The following CSMD1 variants were observed in gnomAD, a reference collection of about 807,000 sequenced individuals.
CSMD1 encodes CUB and Sushi multiple domains 1.
In CSMD1, 213 loss-of-function variants were observed where a neutral mutation model predicts 417.5. That is an observed-to-expected ratio of 0.51 (90% CI 0.46 to 0.57). The LOEUF (loss-of-function observed/expected upper bound fraction) is 0.57, where lower values mean the gene tolerates loss of function less well. Ranked by LOEUF, CSMD1 falls within the 20% of genes least tolerant of loss-of-function variation. The pLI is 0.00. For missense variants in CSMD1, 6,923 were observed against 4,529.7 expected (o/e 1.53, Z -15.17); for synonymous variants, 2,862 against 1,736.8 (o/e 1.65, Z -16.11).
At chr8:4,286,198 C>T (rs576210858) in intron 3 of CSMD1, among the ~76,000 whole-genome samples, 3 of 152,206 alleles carry the variant, frequency 2.0e-5, no homozygotes, top group South Asian at 2.1e-4. Context: ...TCTTTTCTCC[C>T]GACTGCAAAC....
At chr8:3,377,706 C>T (rs1172296835) in intron 18 of CSMD1, among the ~76,000 whole-genome samples, 2 of 152,128 alleles carry the variant, frequency 1.3e-5, no homozygotes, top group African/African-American at 4.8e-5. Flanking sequence ...TCCTGGGATG[C>T]CTGTTCACAT....
intron 1 of CSMD1, among the ~76,000 whole-genome samples, chr8:4,847,764 C>G (rs993584033): frequency 6.7e-6 from 1 of 149,226 alleles, no homozygotes; most frequent in Non-Finnish European, 1.5e-5. Context: ...CTATAGAATT[C>G]CTCTCTATCG....
intron 3 of CSMD1, among the ~76,000 whole-genome samples, chr8:4,348,798 C>T (rs1438314082): frequency 1.3e-5 from 2 of 152,130 alleles, no homozygotes; most frequent in Non-Finnish European, 2.9e-5. Flanking sequence ...AATCCCTTAA[C>T]CCATTTATTC....
At chr8:4,222,625 T>C (rs966180393) in intron 3 of CSMD1, among the ~76,000 whole-genome samples, 1 of 152,216 alleles carries the variant, frequency 6.6e-6, no homozygotes, top group Non-Finnish European at 1.5e-5. Context: ...AATCAAGAAC[T>C]GTCATTTAAA....
chr8:3,213,554 T>C (rs889324028), intron 30 of CSMD1, among the ~76,000 whole-genome samples: 1 of 152,160 alleles, frequency 6.6e-6, no homozygotes, highest in Non-Finnish European at 1.5e-5. Context: ...ACGATTTTAC[T>C]AATTTCATTC....
At chr8:3,828,191 C>G (rs1040762750) in intron 5 of CSMD1, among the ~76,000 whole-genome samples, 1 of 152,116 alleles carries the variant, frequency 6.6e-6, no homozygotes, top group African/African-American at 2.4e-5. Flanking sequence ...AACCAGTATG[C>G]AATCCTTGAT....
chr8:4,711,175 G>A (rs1426845816), intron 1 of CSMD1, among the ~76,000 whole-genome samples: 1 of 150,362 alleles, frequency 6.7e-6, no homozygotes, highest in Non-Finnish European at 1.5e-5. Flanking sequence ...AAAAAACCAT[G>A]ATCCTTTTAT....
At position 3,291,835 on chromosome 8, in the gene CSMD1, G is replaced by C. The variant is rs569240106; in HGVS notation, c.3951-7489C>G. 3.4e-4 allele frequency among the ~76,000 whole-genome samples: 52 copies of C among 152,022 alleles called. 2 individuals carry two copies. In the South Asian group the frequency reaches 8.9e-3, roughly 26 times the overall value. ...TTGCGTCTCTATTTCCTTCAGTTCT[G>C]CTCCGATCTTAGTTATTTCTTGCCT... On this transcript the variant is annotated intron_variant, in intron 25 of 69. Coordinates refer to ENST00000635120, the MANE Select transcript of CSMD1 (RefSeq NM_033225.6).
intron 3 of CSMD1, among the ~76,000 whole-genome samples, chr8:4,374,665 G>A (rs1802607083): frequency 6.6e-6 from 1 of 152,170 alleles, no homozygotes; most frequent in East Asian, 1.9e-4. Context: ...CTGAGTAGAC[G>A]GCTAGATTAT....
intron 1 of CSMD1, among the ~76,000 whole-genome samples, chr8:4,993,972 G>A (rs1811618478): frequency 6.6e-6 from 1 of 152,126 alleles, no homozygotes; most frequent in Non-Finnish European, 1.5e-5. Flanking sequence ...CAGCCACCCC[G>A]ACCCGTGGAG....
chr8:4,455,929 C>CAAAAA (rs71207091), intron 2 of CSMD1, among the ~76,000 whole-genome samples: 402 of 11,636 alleles, frequency 0.035, 114 homozygotes, highest in East Asian at 0.1. Context: ...ACTCCAACTC[C>CAAAAA]AAAAAAAAAA....
intron 5 of CSMD1, among the ~76,000 whole-genome samples, chr8:3,916,704 A>T (rs1487861441): frequency 6.6e-6 from 1 of 152,202 alleles, no homozygotes; most frequent in Non-Finnish European, 1.5e-5. Context: ...TACTACAGTC[A>T]TCACAAGGAT....
chr8:4,304,296 T>C (rs1340304306), intron 3 of CSMD1, among the ~76,000 whole-genome samples: 2 of 152,340 alleles, frequency 1.3e-5, no homozygotes, highest in Admixed American at 6.5e-5. Context: ...ACATGTTCAA[T>C]ATAGAATATA....
chr8:4,024,714 A>T (rs948376113), intron 4 of CSMD1, among the ~76,000 whole-genome samples: 2 of 152,180 alleles, frequency 1.3e-5, no homozygotes, highest in Non-Finnish European at 2.9e-5. Flanking sequence ...ATGGTGGTTC[A>T]TTGGAGTTGC....
intron 7 of CSMD1, among the ~76,000 whole-genome samples, chr8:3,640,957 C>T (rs1797276329): frequency 6.7e-6 from 1 of 149,380 alleles, no homozygotes; most frequent in Non-Finnish European, 1.5e-5. Context: ...GCGACAAAAT[C>T]GTATGTTAAA....
chr8:3,171,208 T>C (rs1273778999), intron 37 of CSMD1, among the ~76,000 whole-genome samples: 3 of 152,202 alleles, frequency 2.0e-5, no homozygotes, highest in Non-Finnish European at 4.4e-5. Flanking sequence ...CTTTATAAAG[T>C]ATCGCATGAC....
chr8:3,170,333 G>C (rs1014621504), intron 37 of CSMD1, among the ~76,000 whole-genome samples: 1 of 152,140 alleles, frequency 6.6e-6, no homozygotes, highest in Admixed American at 6.5e-5. Flanking sequence ...TCAGCCTCCC[G>C]AGTAGCTGGG....
At chr8:4,502,999 G>A (rs942489854) in intron 2 of CSMD1, among the ~76,000 whole-genome samples, 3 of 151,702 alleles carry the variant, frequency 2.0e-5, no homozygotes, top group Non-Finnish European at 4.4e-5. Flanking sequence ...TTCTGGCACA[G>A]GAAATAAAAA....
chr8:3,816,302 T>A (rs936681586), intron 5 of CSMD1, among the ~76,000 whole-genome samples: 2 of 152,188 alleles, frequency 1.3e-5, no homozygotes, highest in Non-Finnish European at 2.9e-5. Flanking sequence ...TTCTCTGCAG[T>A]TTCCCTTGCT....
Sources: allele counts gnomAD v4.1 joint callset (sites outside exome capture counted in the v4.1 genomes callset), GRCh38; gene constraint gnomAD v4.1.1; transcripts MANE v1.5; gene names NCBI Gene and HGNC (gene_info 2026-07-23, HGNC 2026-07-21).